Variants in SCNN1A observed in about 807,000 individuals in gnomAD.
SCNN1A encodes the protein epithelial sodium channel subunit alpha.
In SCNN1A, 65 loss-of-function variants were observed where a neutral mutation model predicts 68.6. The observed-to-expected ratio is 0.95, with a 90% CI of 0.78 to 1.16. The LOEUF (loss-of-function observed/expected upper bound fraction) is 1.16, where lower values mean the gene tolerates loss of function less well. Ranked by LOEUF, SCNN1A falls within the 50% of genes most tolerant of loss-of-function variation. SCNN1A has a pLI of 0.00. For missense variants in SCNN1A, 880 were observed against 865.9 expected, an observed-to-expected ratio of 1.02 and a Z score of -0.20; for synonymous variants, 357 against 353.3, an observed-to-expected ratio of 1.01 and a Z score of -0.12.
chr12:6,346,998 A>C lies in SCNN1A; in HGVS notation c.*875T>G, dbSNP rs1314368211. On this transcript the variant is annotated 3_prime_UTR_variant, in exon 13 of 13. Transcript: ENST00000228916. ...GAAGGGAGACACAAATGTACAAGAAAGTATGGTGCAACAGCAACACTCCAG... is the reference window on the plus strand; with the variant it reads ...GAAGGGAGACACAAATGTACAAGAACGTATGGTGCAACAGCAACACTCCAG... 6.5e-6 allele frequency: 1 copy of C among 152,678 alleles called. No individual in the cohort carries two copies. The highest frequency in any genetic ancestry group is 1.5e-5 in the Non-Finnish European group (1 of 68,060). 9.5% of individuals were successfully genotyped at this position (152,678 alleles called of 1,614,324 possible).
At chr12:6,358,040 T>C (rs1948526776) in intron 4 of SCNN1A, among the ~76,000 whole-genome samples, 1 of 152,234 alleles carries the variant, frequency 6.6e-6, no homozygotes, top group Non-Finnish European at 1.5e-5. Context: ...ATTAAATTCC[T>C]TGTATTTGAA....
Position 6,353,682 on chromosome 12 carries a change from C to CGG in SCNN1A, c.1360+754_1360+755dup, listed in dbSNP as rs543746540. The CGG allele has an allele frequency of 2.8e-5, 2 of 70,948 alleles. 1 individual carries two copies. The highest frequency in any genetic ancestry group is 1.1e-3 in the South Asian group (2 of 1,828). The allele number at this position is 70,948 out of a possible 1,614,324, so 4.4% of individuals were successfully genotyped here. On this transcript the variant is annotated intron_variant, in intron 8 of 12. Transcript: ENST00000228916. Reference sequence around the variant, plus strand: ...TCAGCTCACTGCAGGCTCCGCCTCCCGGGTCCACACCATTCTCCTGCCTCA... The same window carrying CGG: ...TCAGCTCACTGCAGGCTCCGCCTCCCGGGGGTCCACACCATTCTCCTGCCTCA...
At chr12:6,370,145 C>T (rs999241573) in intron 2 of SCNN1A, among the ~76,000 whole-genome samples, 1 of 152,182 alleles carries the variant, frequency 6.6e-6, no homozygotes, top group Non-Finnish European at 1.5e-5. Context: ...TGAGTCAACC[C>T]TTACACAATT....
intron 2 of SCNN1A, among the ~76,000 whole-genome samples, chr12:6,369,833 C>CAAAAA (rs397850777): frequency 2.0e-4 from 19 of 93,610 alleles, no homozygotes; most frequent in East Asian, 1.1e-3. Flanking sequence ...GACTCTGTCT[C>CAAAAA]AAAAAAAAAA....
At position 6,363,425 on chromosome 12, in the gene SCNN1A, C is replaced by G. The variant is rs747511419; in HGVS notation, c.684+18G>C. 8 of 1,521,894 alleles carry G rather than the reference C, an allele frequency of 5.3e-6. No homozygotes were observed. The Admixed American group carries it at 1.1e-4, about 20-fold the overall frequency. 94.3% of individuals were successfully genotyped at this position (1,521,894 alleles called of 1,614,324 possible). On this transcript the variant is annotated intron_variant, in intron 3 of 12. Coordinates refer to ENST00000228916, the MANE Select transcript of SCNN1A (RefSeq NM_001038.6). ...CCGGCGAGGGGCGGGGCGGGCCCCT[C>G]GGCGCTGCGGGCCTCACCAGCTGGA...
upstream of SCNN1A, chr12:6,377,106 T>G: frequency 1.6e-6 from 1 of 610,130 alleles, no homozygotes; most frequent in Non-Finnish European, 2.9e-6. Context: ...AAGCAAGGAG[T>G]TTAGCAGGCA....
chr12:6,371,456 A>C (rs1056498949), intron 2 of SCNN1A, among the ~76,000 whole-genome samples: 1 of 150,652 alleles, frequency 6.6e-6, no homozygotes, highest in Non-Finnish European at 1.5e-5. Flanking sequence ...GAGCTTTGAA[A>C]TCAAACACAC....
At chr12:6,353,292 C>T (rs2136861495) in intron 8 of SCNN1A, among the ~76,000 whole-genome samples, 1 of 152,270 alleles carries the variant, frequency 6.6e-6, no homozygotes, top group South Asian at 2.1e-4. Context: ...TATACCTCTA[C>T]TATTGAATGG....
At position 6,374,928 on chromosome 12, in the gene SCNN1A, A is replaced by T. The variant is rs1438904189; in HGVS notation, c.-54-91T>A. On this transcript the variant is annotated intron_variant, in intron 1 of 12. Coordinates refer to ENST00000228916, the MANE Select transcript of SCNN1A (RefSeq NM_001038.6). This position sits in a 1 kb window ranked among gnomAD's most constrained non-coding sequence, Gnocchi z 6.2. ...GAGTGCCCTCTCCCATCACCCCTGG[A>T]ACCCGAGTGAGGCTGCCCCTGGCCA... The T allele has an allele frequency of 1.9e-6, 3 of 1,598,492 alleles. No individual in the cohort carries two copies. In the Admixed American group the frequency reaches 5.3e-5, roughly 28 times the overall value.
chr12:6,373,165 C>T (rs1948823447), intron 2 of SCNN1A, among the ~76,000 whole-genome samples: 1 of 151,924 alleles, frequency 6.6e-6, no homozygotes, highest in Non-Finnish European at 1.5e-5. Context: ...GACAGGACGT[C>T]CCACCCTTTC....
intron 2 of SCNN1A, chr12:6,364,069 T>C: frequency 5.4e-6 from 1 of 184,090 alleles, no homozygotes. Flanking sequence ...GCCTCGGCCT[T>C]GGCGTGACCG....
Position 6,347,599 on chromosome 12 carries a change from A to G in SCNN1A, c.*274T>C. The G allele has an allele frequency of 4.0e-6, 2 of 495,854 alleles. No individual in the cohort carries two copies. The highest frequency in any genetic ancestry group is 7.3e-6 in the Non-Finnish European group (2 of 274,878). 30.7% of individuals were successfully genotyped at this position (495,854 alleles called of 1,614,324 possible). A position where few individuals can be genotyped will look rare whatever the true frequency, so the allele number is the denominator to read the frequency against. ...TTCGCTTGGCTGATCCAAGGGAAAA[A>G]GAGACTTAGCCGCAGTTGGGTGGGG... On this transcript the variant is annotated 3_prime_UTR_variant, in exon 13 of 13. Transcript: ENST00000228916.
Position 6,354,730 on chromosome 12 carries a change from G to A in SCNN1A, c.1242+20C>T, listed in dbSNP as rs200197622. 4.1e-5 allele frequency: 66 copies of A among 1,600,594 alleles called. No homozygotes were observed. In the African/African-American group the frequency reaches 5.0e-4, roughly 12 times the overall value. On this transcript the variant is annotated intron_variant, in intron 7 of 12. Coordinates refer to ENST00000228916, the MANE Select transcript of SCNN1A (RefSeq NM_001038.6). ...GGCAGTGGCTGGGAGTGGCTGCCAC[G>A]GAATCAGGTTGGGCCTCACCTGCTG...
intron 4 of SCNN1A, among the ~76,000 whole-genome samples, chr12:6,358,391 T>C (rs1948531835): frequency 6.6e-6 from 1 of 152,156 alleles, no homozygotes. Flanking sequence ...ATGTTAAATA[T>C]AGAGTTACCA....
chr12:6,348,796 T>A lies in SCNN1A; in HGVS notation c.1560A>T (p.Gly520=), dbSNP rs1272088384. The A allele has an allele frequency of 6.2e-7, 1 of 1,613,604 alleles. No homozygotes were observed. The highest frequency in any genetic ancestry group is 1.1e-5 in the South Asian group (1 of 91,050). Residue 520 remains glycine (G), a synonymous_variant, in exon 12 of 13, where the codon GGA becomes GGT. Coordinates refer to ENST00000228916, the MANE Select transcript of SCNN1A (RefSeq NM_001038.6). ...NNYTVNNKRN[G]VAKVNIFFKE... ...TGAAGAAGATGTTGACTTTGGCCAC[T>A]CCATTTCTTAGGTGTGGGGCAGAGG...
upstream of SCNN1A, chr12:6,376,133 C>A (rs1218622856): frequency 1.0e-6 from 1 of 986,838 alleles, no homozygotes; most frequent in African/African-American, 1.7e-5. Context: ...TCAGGCCCTG[C>A]AGAGAAGAGA....
chr12:6,376,040 G>C (rs999754425), upstream of SCNN1A: 10 of 994,174 alleles, frequency 1.0e-5, no homozygotes, highest in East Asian at 3.3e-4. Flanking sequence ...GAGAGCAAGG[G>C]GGGAGTCCCA....
chr12:6,349,377 G>A lies in SCNN1A; in HGVS notation c.1389C>T (p.Asp463=). The change falls in exon 9 of 13, where the codon GAC becomes GAT. Residue 463 remains aspartate (D), a synonymous_variant. Coordinates refer to ENST00000228916, the MANE Select transcript of SCNN1A (RefSeq NM_001038.6). ...WGYCYYKLQV[D]FSSDHLGCFT... is the part of the protein sequence containing the mutation. ...AACAGCCCAGGTGGTCTGAGGAGAA[G>A]TCAACCTGGAGCTTATAGTAGCAGT... 1 of 1,606,656 alleles carries A rather than the reference G, an allele frequency of 6.2e-7. No homozygotes were observed. The highest frequency in any genetic ancestry group is 1.7e-5 in the Admixed American group (1 of 58,762).
At chr12:6,364,541 G>A (rs1478853655) in intron 2 of SCNN1A, among the ~76,000 whole-genome samples, 1 of 152,212 alleles carries the variant, frequency 6.6e-6, no homozygotes, top group Admixed American at 6.5e-5. Context: ...AGATCACGGG[G>A]TCAGGGTATC....
Sources: allele counts gnomAD v4.1 joint callset (sites outside exome capture counted in the v4.1 genomes callset), GRCh38; gene constraint gnomAD v4.1.1; non-coding constraint Gnocchi (gnomAD v3.1); transcripts MANE v1.5; gene names NCBI Gene and HGNC (gene_info 2026-07-23, HGNC 2026-07-21).